The following USP29 variants were observed in gnomAD, a reference collection of about 807,000 sequenced individuals.
The protein encoded by USP29 is ubiquitin specific peptidase 29, also known as ubiquitin carboxyl-terminal hydrolase 29.
For missense variants in USP29, 1,102 were observed against 1,069.0 expected (o/e 1.03, Z -0.43); for synonymous variants, 386 against 387.4 (o/e 1.00, Z 0.04).
chr19:57,131,518 T>A lies in USP29; in HGVS notation c.*74T>A. 1 of 1,506,306 alleles carries A rather than the reference T, an allele frequency of 6.6e-7. No individual in the cohort carries two copies. The highest frequency in any genetic ancestry group is 1.4e-5 in the South Asian group (1 of 71,786). The allele number at this position is 1,506,306 out of a possible 1,614,324, so 93.3% of individuals were successfully genotyped here. ...CATCCTTGCAAAGAGAATCCTGTAC[T>A]TCACTCAGAATGAAGGAACAAGTAT... On this transcript the variant is annotated 3_prime_UTR_variant, in exon 4 of 4. Coordinates refer to ENST00000254181, the MANE Select transcript of USP29 (RefSeq NM_020903.3).
Position 57,131,683 on chromosome 19 carries a change from G to A in USP29, c.*239G>A, listed in dbSNP as rs8103779. On this transcript the variant is annotated 3_prime_UTR_variant, in exon 4 of 4. Transcript: ENST00000254181. ...AGAATGGTGCTCTTCACGTTTTGACGGTGGTTTTCAAAATGTTGTTCTTCA... is the reference window on the plus strand; with the variant it reads ...AGAATGGTGCTCTTCACGTTTTGACAGTGGTTTTCAAAATGTTGTTCTTCA... 366,830 of 559,840 alleles carry A rather than the reference G, an allele frequency of 0.66. 122,789 individuals carry two copies. Among genetic ancestry groups the A allele is most frequent in the East Asian group, 0.93 (26,702 of 28,814 alleles). The allele number at this position is 559,840 out of a possible 1,614,324, so 34.7% of individuals were successfully genotyped here.
upstream of USP29, chr19:57,119,309 T>C (rs1221926031): frequency 1.3e-5 from 2 of 152,244 alleles, no homozygotes; most frequent in Non-Finnish European, 2.9e-5. Flanking sequence ...GTTTTAGTTT[T>C]CCTGTAGGAT....
intron 1 of USP29, among the ~76,000 whole-genome samples, chr19:57,120,788 C>CAAAAAAAAA (rs71293954): frequency 0.014 from 444 of 31,106 alleles, 75 homozygotes; most frequent in Middle Eastern, 0.038. Flanking sequence ...GACTCCGTCT[C>CAAAAAAAAA]AAAAAAAAAA....
At chr19:57,127,098 A>G (rs1355410864) in intron 3 of USP29, among the ~76,000 whole-genome samples, 1 of 152,230 alleles carries the variant, frequency 6.6e-6, no homozygotes, top group Non-Finnish European at 1.5e-5. Context: ...GCAGAGCTGC[A>G]GAACAGCAAA....
intron 2 of USP29, among the ~76,000 whole-genome samples, chr19:57,123,303 T>C (rs1160573122): frequency 1.3e-5 from 2 of 152,174 alleles, no homozygotes; most frequent in African/African-American, 4.8e-5. Flanking sequence ...AAACCTGTAA[T>C]AAAAGTCACT....
In USP29 at chr19:57,129,885, G is replaced by T. The variant is rs749178321; in HGVS notation, c.1210G>T (p.Glu404Ter). 2.5e-6 allele frequency: 4 copies of T among 1,614,140 alleles called. No individual in the cohort carries two copies. Among genetic ancestry groups the T allele is most frequent in the Non-Finnish European group, 3.4e-6 (4 of 1,180,028 alleles). Residue 404 changes from glutamate (E) to a stop codon, truncating the protein, a stop_gained, in exon 4 of 4, where the codon GAA (glutamate) becomes TAA (stop). Coordinates refer to ENST00000254181, the MANE Select transcript of USP29 (RefSeq NM_020903.3). LOFTEE classifies it low-confidence loss of function (END_TRUNC). ...TLNTGKECGD[E>*]NSSPQMHVGS... ...GAATACTGGGAAAGAATGTGGGGAT[G>T]AAAATTCATCTCCACAAATGCATGT... is the stretch of plus-strand genomic sequence containing the variant.
At position 57,131,193 on chromosome 19, in the gene USP29, C is replaced by CATT. The variant is rs749275271; in HGVS notation, c.2520_2522dup (p.Tyr841dup). 4 of 1,614,102 alleles carry CATT rather than the reference C, an allele frequency of 2.5e-6. No homozygotes were observed. Among genetic ancestry groups the CATT allele is most frequent in the Non-Finnish European group, 3.4e-6 (4 of 1,180,052 alleles). On this transcript the variant is annotated inframe_insertion, in exon 4 of 4. Coordinates refer to ENST00000254181, the MANE Select transcript of USP29 (RefSeq NM_020903.3). ...TATCGGGAGCTCCCCAAATTCAGGC[C>CATT]ATTACATCAGCGATGTGTATGACTT... is the stretch of plus-strand genomic sequence containing the variant.
At chr19:57,127,906 G>A (rs2086831953) in intron 3 of USP29, among the ~76,000 whole-genome samples, 1 of 152,186 alleles carries the variant, frequency 6.6e-6, no homozygotes, top group Non-Finnish European at 1.5e-5. Flanking sequence ...CAGGGCCCTG[G>A]TGGTGTAGGC....
chr19:57,131,408 G>A lies in USP29; in HGVS notation c.2733G>A (p.Gly911=), dbSNP rs1403428389. 2 of 1,613,722 alleles carry A rather than the reference G, an allele frequency of 1.2e-6. No homozygotes were observed. The highest frequency in any genetic ancestry group is 1.7e-6 in the Non-Finnish European group (2 of 1,179,898). Residue 911 remains glycine, a synonymous_variant, in exon 4 of 4, where the codon GGG becomes GGA. Transcript: ENST00000254181. ...PSTQAGVIPQ[G]EYEGDSLYRP... ...CACAGGCAGGGGTGATCCCTCAGGG[G>A]GAATACGAAGGTGACTCTTTGTACA...
upstream of USP29, chr19:57,119,929 C>G (rs933465505): frequency 6.6e-6 from 1 of 152,316 alleles, no homozygotes; most frequent in East Asian, 1.9e-4. Context: ...TACCTAGACC[C>G]GTAGGTCGGG....
At chr19:57,126,139 G>T (rs776571282) in intron 3 of USP29, among the ~76,000 whole-genome samples, 6 of 152,214 alleles carry the variant, frequency 3.9e-5, no homozygotes, top group Non-Finnish European at 2.9e-5. Flanking sequence ...TTAATCTGAT[G>T]GGCTTCCCTT....
At chr19:57,119,894 T>C (rs2086784461), upstream of USP29, 1 of 152,294 alleles carries the variant, frequency 6.6e-6, no homozygotes, top group African/African-American at 2.4e-5. Context: ...AGGAACTCTA[T>C]GTGCCCCGGC....
intron 3 of USP29, 151 bp from the exon 4 acceptor site, chr19:57,128,509 A>G (rs1346431640): frequency 2.6e-6 from 2 of 761,058 alleles, no homozygotes; most frequent in Non-Finnish European, 3.8e-6. Context: ...GAACTGGCAC[A>G]GCTTCAGAAT....
At chr19:57,123,943 A>C (rs922581027) in intron 2 of USP29, 96 bp from the exon 3 acceptor site, 1 of 152,220 alleles carries the variant, frequency 6.6e-6, no homozygotes, top group African/African-American at 2.4e-5. Flanking sequence ...TCTAAGATAT[A>C]ATGCAATAAA....
Position 57,131,726 on chromosome 19 carries a change from C to A in USP29, c.*282C>A. 2.4e-6 allele frequency: 1 copy of A among 408,402 alleles called. No homozygotes were observed. Among genetic ancestry groups the A allele is most frequent in the Non-Finnish European group, 4.5e-6 (1 of 224,698 alleles). 25.3% of individuals were successfully genotyped at this position (408,402 alleles called of 1,614,324 possible). A position where few individuals can be genotyped will look rare whatever the true frequency, so the allele number is the denominator to read the frequency against. On this transcript the variant is annotated 3_prime_UTR_variant, in exon 4 of 4. Coordinates refer to ENST00000254181, the MANE Select transcript of USP29 (RefSeq NM_020903.3). ...GTTCTTCAACCAGCAACAGCAACAG[C>A]TAGGGACTGATTAGAAATGCAAATT...
chr19:57,131,102 A>T lies in USP29; in HGVS notation c.2427A>T (p.Glu809Asp), dbSNP rs61735239. 506 of 1,614,204 alleles carry T rather than the reference A, an allele frequency of 3.1e-4. 1 individual carries two copies. The African/African-American group carries it at 5.8e-3, about 19-fold the overall frequency. Residue 809 changes from glutamate (E) to aspartate (D), a missense_variant, in exon 4 of 4, where the codon GAA becomes GAT. Coordinates refer to ENST00000254181, the MANE Select transcript of USP29 (RefSeq NM_020903.3). The part of the protein sequence containing the change: ...DAENTRGEAK[E>D]LTRNVKMGDP... ...AGAACACAAGAGGTGAAGCCAAGGA[A>T]CTAACAAGAAACGTGAAGATGGGGG...
At position 57,129,507 on chromosome 19, in the gene USP29, TC is replaced by T. The variant is rs1388606473; in HGVS notation, c.833del (p.Ser278PhefsTer19). The T allele has an allele frequency of 4.3e-6, 7 of 1,614,182 alleles. No homozygotes were observed. Among genetic ancestry groups the T allele is most frequent in the Non-Finnish European group, 5.1e-6 (6 of 1,180,030 alleles). ...RCNKAQVPLD[S>X]HSQQLQQGFP... ...CAACAAAGCCCAGGTGCCTCTTGAC[TC>T]TCATTCACAGCAACTGCAGCAGGGG... On this transcript the variant is annotated frameshift_variant, in exon 4 of 4. Transcript: ENST00000254181. LOFTEE classifies it low-confidence loss of function (END_TRUNC).
chr19:57,129,562 T>A lies in USP29; in HGVS notation c.887T>A (p.Met296Lys). Reference sequence around the variant, plus strand: ...CCCAATTTGGGAAACACCTGTTACATGAATGCAGTTTTACAATCGCTATTT... The same window carrying A: ...CCCAATTTGGGAAACACCTGTTACAAGAATGCAGTTTTACAATCGCTATTT... ...GFPNLGNTCY[M>K]NAVLQSLFAI... The change falls in exon 4 of 4, where the codon ATG becomes AAG. Residue 296 changes from methionine to lysine, a missense_variant. Coordinates refer to ENST00000254181, the MANE Select transcript of USP29 (RefSeq NM_020903.3). The A allele has an allele frequency of 6.2e-7, 1 of 1,614,210 alleles. No individual in the cohort carries two copies. Among genetic ancestry groups the A allele is most frequent in the African/African-American group, 1.3e-5 (1 of 75,060 alleles).
intron 1 of USP29, among the ~76,000 whole-genome samples, chr19:57,121,532 T>C (rs1289691825): frequency 6.9e-6 from 1 of 144,094 alleles, no homozygotes; most frequent in African/African-American, 2.6e-5. Context: ...ATGCTATATA[T>C]ACTTATATAT....
Sources: allele counts gnomAD v4.1 joint callset (sites outside exome capture counted in the v4.1 genomes callset), GRCh38; gene constraint gnomAD v4.1.1; transcripts MANE v1.5; gene names NCBI Gene and HGNC (gene_info 2026-07-23, HGNC 2026-07-21).